The following CD300LD variants were observed in gnomAD, a reference collection of about 807,000 sequenced individuals.
The protein encoded by CD300LD is CD300 molecule like family member d.
In CD300LD, 18 loss-of-function variants were observed where a neutral mutation model predicts 20.3. The observed-to-expected ratio is 0.89, with a 90% CI of 0.61 to 1.32. CD300LD has a LOEUF of 1.32. Ranked by LOEUF, CD300LD falls within the 40% of genes most tolerant of loss-of-function variation. The probability of loss-of-function intolerance (pLI) is 0.00; values close to 1 mark genes in which losing one functional copy is unlikely to be tolerated. For missense variants in CD300LD, 195 were observed against 226.6 expected (o/e 0.86, Z 0.90); for synonymous variants, 104 against 90.1 (o/e 1.15, Z -0.87).
intron 3 of CD300LD, among the ~76,000 whole-genome samples, chr17:74,581,914 C>T (rs971240680): frequency 6.6e-6 from 1 of 152,140 alleles, no homozygotes; most frequent in Non-Finnish European, 1.5e-5. Context: ...GATACAAAGA[C>T]GAAACAGCAG....
At chr17:74,588,909 G>A (rs1037039205) in intron 1 of CD300LD, 60 bp from the exon 2 acceptor site, 16 of 1,261,296 alleles carry the variant, frequency 1.3e-5, no homozygotes, top group African/African-American at 5.9e-5. Flanking sequence ...CCACAGCCTC[G>A]TGCATTGGGA....
intron 1 of CD300LD, among the ~76,000 whole-genome samples, chr17:74,590,929 G>A (rs2030296273): frequency 6.6e-6 from 1 of 151,822 alleles, no homozygotes; most frequent in Non-Finnish European, 1.5e-5. Flanking sequence ...ATATTAGCTG[G>A]GTGTCGCACC....
At position 74,579,741 on chromosome 17, in the gene CD300LD, TG is replaced by T; in HGVS notation, c.*260del. ...TCTACAAAAAAATTTAAAAATTAGC[TG>T]GGGGTGGTGGCATGTGCCTGTAGCC... On this transcript the variant is annotated 3_prime_UTR_variant, in exon 4 of 4. Transcript: ENST00000375352. 1 of 235,562 alleles carries T rather than the reference TG, an allele frequency of 4.2e-6. No individual in the cohort carries two copies. The highest frequency in any genetic ancestry group is 8.5e-6 in the Non-Finnish European group (1 of 117,706). 14.6% of individuals were successfully genotyped at this position (235,562 alleles called of 1,614,324 possible). A position where few individuals can be genotyped will look rare whatever the true frequency, so the allele number is the denominator to read the frequency against.
chr17:74,590,066 T>C (rs1431630981), intron 1 of CD300LD, among the ~76,000 whole-genome samples: 1 of 152,206 alleles, frequency 6.6e-6, no homozygotes, highest in East Asian at 1.9e-4. Flanking sequence ...GTAGCTCCCA[T>C]AATTTCCACA....
intron 2 of CD300LD, among the ~76,000 whole-genome samples, chr17:74,583,199 A>C (rs2030076691): frequency 6.6e-6 from 1 of 152,106 alleles, no homozygotes; most frequent in African/African-American, 2.4e-5. Context: ...TAAAAATTAT[A>C]TGTTGATATG....
At chr17:74,585,391 C>T (rs768384127) in intron 2 of CD300LD, among the ~76,000 whole-genome samples, 21 of 152,122 alleles carry the variant, frequency 1.4e-4, no homozygotes, top group Admixed American at 3.9e-4. Flanking sequence ...TTTTGTCCCA[C>T]CCACAGTACC....
At chr17:74,589,667 C>T (rs2030259257) in intron 1 of CD300LD, among the ~76,000 whole-genome samples, 2 of 152,184 alleles carry the variant, frequency 1.3e-5, no homozygotes, top group African/African-American at 4.8e-5. Flanking sequence ...CAATTCAAAA[C>T]AGTGGAAATA....
intron 3 of CD300LD, 147 bp from the exon 4 acceptor site, chr17:74,580,260 A>G (rs2030003866): frequency 3.3e-6 from 2 of 606,406 alleles, no homozygotes; most frequent in East Asian, 2.9e-5. Context: ...GGTGGGGCAC[A>G]GTCACACTGC....
Position 74,592,179 on chromosome 17 carries a change from C to A in CD300LD, c.24G>T (p.Leu8=). Reference sequence around the variant, plus strand: ...CACACTCACCTGGGAGGATGAGAAGCAGCAGAGATGGGGACAGCCACATGG... The same window carrying A: ...CACACTCACCTGGGAGGATGAGAAGAAGCAGAGATGGGGACAGCCACATGG... MWLSPSL[L]LLILPGYSIA... The change falls in exon 1 of 4, where the codon CTG becomes CTT. Residue 8 remains leucine (L), a synonymous_variant. Coordinates refer to ENST00000375352, the MANE Select transcript of CD300LD (RefSeq NM_001115152.2). The A allele has an allele frequency of 6.2e-7, 1 of 1,614,172 alleles. No homozygotes were observed.
intron 1 of CD300LD, among the ~76,000 whole-genome samples, chr17:74,589,838 C>A (rs532479415): frequency 1.3e-5 from 2 of 152,308 alleles, no homozygotes; most frequent in East Asian, 3.9e-4. Context: ...CACATTGGAG[C>A]ACTTGAAGAA....
At position 74,579,959 on chromosome 17, in the gene CD300LD, A is replaced by G; in HGVS notation, c.*43T>C. 8.0e-7 allele frequency: 1 copy of G among 1,247,636 alleles called. No homozygotes were observed. The highest frequency in any genetic ancestry group is 1.2e-6 in the Non-Finnish European group (1 of 852,038). 77.3% of individuals were successfully genotyped at this position (1,247,636 alleles called of 1,614,324 possible). ...GGCCTTTCGCCCTGGACAGGACGTC[A>G]ATGGGCATTGGGACTCTCATCATCG... On this transcript the variant is annotated 3_prime_UTR_variant, in exon 4 of 4. Transcript: ENST00000375352.
intron 2 of CD300LD, among the ~76,000 whole-genome samples, chr17:74,583,053 A>G (rs1005173126): frequency 9.2e-5 from 14 of 152,170 alleles, no homozygotes; most frequent in African/African-American, 3.4e-4. Context: ...AAAGAGAACA[A>G]TATGTTAAAC....
At chr17:74,589,354 G>T (rs1292000626) in intron 1 of CD300LD, among the ~76,000 whole-genome samples, 1 of 152,160 alleles carries the variant, frequency 6.6e-6, no homozygotes, top group East Asian at 1.9e-4. Flanking sequence ...GTCTCTATCT[G>T]CTATGGGATC....
intron 2 of CD300LD, among the ~76,000 whole-genome samples, chr17:74,586,140 G>A (rs2030152733): frequency 6.6e-6 from 1 of 152,188 alleles, no homozygotes; most frequent in Non-Finnish European, 1.5e-5. Context: ...TTTTGAGAAT[G>A]CAAATGCAGA....
chr17:74,592,253 C>T lies in CD300LD; in HGVS notation c.-51G>A, dbSNP rs1344201648. ...GTGATCACAGGTGTCTGGTGCCCTT[C>T]AGGGACTTGAATCCAAGCTCGGAAG... On this transcript the variant is annotated 5_prime_UTR_variant, in exon 1 of 4. Coordinates refer to ENST00000375352, the MANE Select transcript of CD300LD (RefSeq NM_001115152.2). 6.2e-7 allele frequency: 1 copy of T among 1,613,982 alleles called. No individual in the cohort carries two copies. Among genetic ancestry groups the T allele is most frequent in the Non-Finnish European group, 8.5e-7 (1 of 1,180,002 alleles).
At position 74,588,494 on chromosome 17, in the gene CD300LD, T is replaced by C. The variant is rs1187133423; in HGVS notation, c.379+17A>G. ...GCAGGACCTGAGAGACACACACGTA[T>C]ATACACTCCCTCTTACCTGGGTTAA... is the stretch of plus-strand genomic sequence containing the variant. On this transcript the variant is annotated intron_variant, in intron 2 of 3. Transcript: ENST00000375352. 8.4e-6 allele frequency: 13 copies of C among 1,555,950 alleles called. No individual in the cohort carries two copies. The highest frequency in any genetic ancestry group is 1.1e-5 in the Non-Finnish European group (13 of 1,135,086).
rs199706467 is a variant in CD300LD, at chr17:74,582,190, G to A, written c.473+28C>T. ...AGAGGCCATGGGGCCAGGCCTGTGC[G>A]AAAGTGGTGGGACCTGGCTCCACCT... is the stretch of plus-strand genomic sequence containing the variant. On this transcript the variant is annotated intron_variant, in intron 3 of 3. Transcript: ENST00000375352. The A allele has an allele frequency of 4.8e-4, 763 of 1,604,428 alleles. 3 individuals carry two copies. In the African/African-American group the frequency reaches 8.5e-3, roughly 18 times the overall value.
chr17:74,591,268 A>AAATAATAATAATAATAATAATAAT (rs58060319), intron 1 of CD300LD, among the ~76,000 whole-genome samples: 62 of 142,388 alleles, frequency 4.4e-4, no homozygotes, highest in African/African-American at 1.5e-3. Flanking sequence ...AAAAAAATAA[A>AAATAATAATAATAATAATAATAAT]AATAATAATA....
At chr17:74,591,876 C>T in intron 1 of CD300LD, 1 of 531,434 alleles carries the variant, frequency 1.9e-6, no homozygotes, top group Non-Finnish European at 2.9e-6. Context: ...TTCCTTCCTT[C>T]ATTGATATCT....
Sources: gnomAD v4.1 joint callset for allele counts (sites outside exome capture counted in the v4.1 genomes callset) on GRCh38, gnomAD v4.1.1 for gene constraint, MANE v1.5 for transcripts, NCBI Gene and HGNC (gene_info 2026-07-23, HGNC 2026-07-21) for gene names.